The following KCNC4 variants were observed in gnomAD, a reference collection of about 807,000 sequenced individuals.
The protein encoded by KCNC4 is potassium voltage-gated channel subfamily C member 4.
A neutral mutation model predicts 42.8 loss-of-function variants in KCNC4; 23 were observed. The ratio of observed to expected loss-of-function variants is 0.54; its 90% CI spans 0.39 to 0.76. The LOEUF (loss-of-function observed/expected upper bound fraction) is 0.76. Ranked by LOEUF, KCNC4 falls within the 30% of genes least tolerant of loss-of-function variation. KCNC4 has a pLI of 0.00. For missense variants in KCNC4, 751 were observed against 898.2 expected (o/e 0.84, Z 2.10); for synonymous variants, 422 against 393.5 (o/e 1.07, Z -0.86).
At chr1:110,278,226 G>T (rs562923168) in intron 1 of KCNC4, among the ~76,000 whole-genome samples, 8 of 152,222 alleles carry the variant, frequency 5.3e-5, no homozygotes, top group African/African-American at 1.9e-4. Flanking sequence ...TCTCCAGGGA[G>T]AGTCACCAAA....
At chr1:110,230,941 G>T (rs1291151912) in intron 3 of KCNC4, among the ~76,000 whole-genome samples, 1 of 152,216 alleles carries the variant, frequency 6.6e-6, no homozygotes, top group African/African-American at 2.4e-5. Context: ...CTTGAGAGAA[G>T]GCTCTCTCCC....
chr1:110,278,191 G>A (rs11102080), intron 1 of KCNC4, among the ~76,000 whole-genome samples: 43,488 of 149,956 alleles, frequency 0.29, 6,833 homozygotes, highest in Admixed American at 0.42. Flanking sequence ...AGGGAGGGAC[G>A]GAAGGAGGAA....
chr1:110,266,633 T>C (rs1659544382), intron 1 of KCNC4, among the ~76,000 whole-genome samples: 1 of 152,180 alleles, frequency 6.6e-6, no homozygotes. Context: ...AACCTTTAAG[T>C]GGCAGGGCTG....
At chr1:110,277,252 A>G (rs1659742479) in intron 1 of KCNC4, among the ~76,000 whole-genome samples, 1 of 152,276 alleles carries the variant, frequency 6.6e-6, no homozygotes, top group Non-Finnish European at 1.5e-5. Flanking sequence ...GTGAAATAGC[A>G]TAGTGGCAGC....
At chr1:110,220,164 C>T (rs1296804385) in intron 1 of KCNC4, 4 of 152,226 alleles carry the variant, frequency 2.6e-5, no homozygotes, top group African/African-American at 7.2e-5. Flanking sequence ...CTCTCTTGTG[C>T]CTCTATTTCA....
chr1:110,221,029 C>G (rs1658065583), intron 1 of KCNC4: 1 of 152,230 alleles, frequency 6.6e-6, no homozygotes, highest in Admixed American at 6.5e-5. Flanking sequence ...ATCAACCCAT[C>G]CAAGTTAAAG....
Position 110,210,403 on chromosome 1 carries a change from A to T in KCNC4, c.-1097A>T, listed in dbSNP as rs1657365449. On this transcript the variant is annotated 5_prime_UTR_variant, in exon 1 of 4. It removes an upstream start codon present in the reference 5' UTR. Transcript: ENST00000438661. ...CCGGCGCCGAGGCGCCCCCTCCCCTATGCCACCTCGCGCCCGCCCCCTGCC... is the reference window on the plus strand; with the variant it reads ...CCGGCGCCGAGGCGCCCCCTCCCCTTTGCCACCTCGCGCCCGCCCCCTGCC... Among the ~76,000 whole-genome samples, 1 of 151,152 alleles carries T rather than the reference A, an allele frequency of 6.6e-6. No individual in the cohort carries two copies. The highest frequency in any genetic ancestry group is 1.5e-5 in the Non-Finnish European group (1 of 67,676).
At chr1:110,245,346 A>T (rs1041912137) in exon 4 of KCNC4, 8 of 152,254 alleles carry the variant, frequency 5.3e-5, no homozygotes, top group Admixed American at 5.2e-4. Context: ...GAGAGCTGGC[A>T]GACCTAGGTC....
downstream of KCNC4, among the ~76,000 whole-genome samples, chr1:110,283,431 A>T (rs114038179): frequency 7.0e-3 from 1,062 of 152,314 alleles, 16 homozygotes; most frequent in African/African-American, 0.024. Flanking sequence ...AAGATTGCTT[A>T]CTGAGTTCAG....
At chr1:110,261,445 A>G (rs1208553144) in intron 1 of KCNC4, among the ~76,000 whole-genome samples, 1 of 152,250 alleles carries the variant, frequency 6.6e-6, no homozygotes, top group Non-Finnish European at 1.5e-5. Flanking sequence ...GATTTAAAGT[A>G]TAGAGATTTC....
At chr1:110,249,752 A>G (rs964787008), downstream of KCNC4, among the ~76,000 whole-genome samples, 1 of 152,218 alleles carries the variant, frequency 6.6e-6, no homozygotes, top group Non-Finnish European at 1.5e-5. Context: ...TGCCAAATAG[A>G]CATAACATAA....
chr1:110,238,170 TTTCCCCACAGGTTATGGGGGC>T (rs1276052387), downstream of KCNC4: 14 of 152,216 alleles, frequency 9.2e-5, no homozygotes, highest in African/African-American at 3.1e-4. Flanking sequence ...CTCTCCTTTC[TTTCCCCACAGGTTATGGGGGC>T]TTCTCCACTC....
intron 1 of KCNC4, chr1:110,256,724 G>C (rs1264181242): frequency 6.5e-6 from 1 of 153,540 alleles, no homozygotes; most frequent in Admixed American, 6.5e-5. Context: ...GACGGGAAGC[G>C]CCGTCACGCC....
At chr1:110,232,330 A>G (rs751211188) in intron 3 of KCNC4, 1 of 1,609,538 alleles carries the variant, frequency 6.2e-7, no homozygotes, top group South Asian at 1.1e-5. Context: ...TGGGCACGAC[A>G]TGGCATCATA....
In KCNC4 at chr1:110,211,243, G is replaced by T. The variant is rs2100973122; in HGVS notation, c.-257G>T. On this transcript the variant is annotated 5_prime_UTR_variant, in exon 1 of 4. Transcript: ENST00000438661. This position sits in a 1 kb window ranked among gnomAD's most constrained non-coding sequence, Gnocchi z 6.5. ...CGTGTGTGCTTGCTTCTACTTCCCCGGGTCCTCCCTCTCTGCGCCTCCCTC... is the reference window on the plus strand; with the variant it reads ...CGTGTGTGCTTGCTTCTACTTCCCCTGGTCCTCCCTCTCTGCGCCTCCCTC... 2 of 519,888 alleles carry T rather than the reference G, an allele frequency of 3.8e-6. No individual in the cohort carries two copies. The highest frequency in any genetic ancestry group is 6.8e-6 in the Non-Finnish European group (2 of 293,310). The allele number at this position is 519,888 out of a possible 1,614,324, so 32.2% of individuals were successfully genotyped here.
At chr1:110,215,706 C>T (rs1157766740) in intron 1 of KCNC4, among the ~76,000 whole-genome samples, 2 of 152,218 alleles carry the variant, frequency 1.3e-5, no homozygotes, top group Admixed American at 6.5e-5. Flanking sequence ...ATGTGGGAGG[C>T]TTGGCCTGTG....
At chr1:110,265,130 C>G (rs1376789676) in intron 1 of KCNC4, among the ~76,000 whole-genome samples, 1 of 147,194 alleles carries the variant, frequency 6.8e-6, no homozygotes, top group Non-Finnish European at 1.5e-5. Flanking sequence ...AAATAAAGTA[C>G]AAAACCACTT....
exon 4 of KCNC4, chr1:110,248,800 C>T (rs1659201956): frequency 6.6e-6 from 1 of 152,162 alleles, no homozygotes; most frequent in Non-Finnish European, 1.5e-5. Context: ...TAAGTAGGGA[C>T]TCAGTAAATG....
intron 1 of KCNC4, 93 bp from the exon 2 acceptor site, chr1:110,222,871 T>A: frequency 1.1e-6 from 1 of 896,280 alleles, no homozygotes; most frequent in South Asian, 1.6e-5. Context: ...GGAATGCCCT[T>A]CCTGGTAACC....
Sources: allele counts gnomAD v4.1 joint callset (sites outside exome capture counted in the v4.1 genomes callset), GRCh38; gene constraint gnomAD v4.1.1; non-coding constraint Gnocchi (gnomAD v3.1); transcripts MANE v1.5; gene names NCBI Gene and HGNC (gene_info 2026-07-23, HGNC 2026-07-21).